Variants in ATP8B3 observed in about 807,000 individuals in gnomAD.
ATP8B3 encodes the protein phospholipid-transporting ATPase IK.
In ATP8B3, 141 loss-of-function variants were observed where a neutral mutation model predicts 140.9. The observed-to-expected ratio is 1.00, with a 90% CI of 0.87 to 1.15. ATP8B3 has a LOEUF of 1.15. Ranked by LOEUF, ATP8B3 falls within the 50% of genes most tolerant of loss-of-function variation. ATP8B3 has a pLI of 0.00. For synonymous variants in ATP8B3, 765 were observed against 714.6 expected, an observed-to-expected ratio of 1.07 and a Z score of -1.13; for missense variants, 1,874 against 1,740.6, an observed-to-expected ratio of 1.08 and a Z score of -1.36.
intron 18 of ATP8B3, among the ~76,000 whole-genome samples, chr19:1,795,454 G>C (rs967383610): frequency 6.6e-6 from 1 of 152,078 alleles, no homozygotes; most frequent in African/African-American, 2.4e-5. Flanking sequence ...GGGAGGCTGA[G>C]GCAGGAGAAT....
At chr19:1,793,265 GTA>G (rs10546190) in intron 18 of ATP8B3, among the ~76,000 whole-genome samples, 66,031 of 150,492 alleles carry the variant, frequency 0.44, 15,742 homozygotes, top group African/African-American at 0.65. Context: ...TAATTTCTTT[GTA>G]TATATATATA....
chr19:1,790,648 C>T, intron 21 of ATP8B3, 109 bp downstream of exon 21: 1 of 806,158 alleles, frequency 1.2e-6, no homozygotes. Context: ...CTCAATCCCC[C>T]CCTTCCCACT....
At chr19:1,783,357 C>T in intron 28 of ATP8B3, 87 bp from the exon 29 acceptor site, 2 of 1,485,648 alleles carry the variant, frequency 1.3e-6, no homozygotes, top group Non-Finnish European at 1.8e-6. Context: ...AGGCAGGATT[C>T]AAAGCCCTTG....
At chr19:1,789,174 C>G (rs1211609718) in intron 23 of ATP8B3, 54 bp from the exon 24 acceptor site, 17 of 1,048,684 alleles carry the variant, frequency 1.6e-5, no homozygotes, top group Non-Finnish European at 2.2e-5. Context: ...TCCCGCCCGC[C>G]CCCCCAGACC....
At chr19:1,795,520 C>T (rs2068637561) in intron 18 of ATP8B3, among the ~76,000 whole-genome samples, 1 of 152,142 alleles carries the variant, frequency 6.6e-6, no homozygotes, top group Non-Finnish European at 1.5e-5. Flanking sequence ...CACTGCACTC[C>T]AGCCTGGGCG....
At chr19:1,788,328 G>T (rs999550910) in intron 24 of ATP8B3, among the ~76,000 whole-genome samples, 9 of 152,290 alleles carry the variant, frequency 5.9e-5, no homozygotes, top group Non-Finnish European at 1.3e-4. Context: ...AGAAGAGGAG[G>T]TCCATGTGCA....
In ATP8B3 at chr19:1,809,280, C is replaced by T. The variant is rs538865065; in HGVS notation, c.402+363G>A. On this transcript the variant is annotated intron_variant, in intron 4 of 28. Transcript: ENST00000310127. ...GGTGGATCACCTGAGATCAGGAGTT[C>T]GAGACCAGCCTGGCCAACATGGTGA... 2.8e-4 allele frequency among the ~76,000 whole-genome samples: 42 copies of T among 152,004 alleles called. No individual in the cohort carries two copies. The South Asian group carries it at 5.2e-3, about 19-fold the overall frequency.
chr19:1,784,375 C>T (rs545850267), intron 28 of ATP8B3, among the ~76,000 whole-genome samples: 8 of 151,986 alleles, frequency 5.3e-5, no homozygotes, highest in Non-Finnish European at 7.4e-5. Flanking sequence ...ATTAGCTGGG[C>T]GTGGTGGTAC....
At chr19:1,796,916 G>A (rs1283810960) in intron 15 of ATP8B3, 37 bp from the exon 16 acceptor site, 2 of 1,610,876 alleles carry the variant, frequency 1.2e-6, no homozygotes, top group Admixed American at 1.7e-5. Context: ...CTGTGGGTGG[G>A]CCGCTCCCCG....
At chr19:1,784,787 A>C in intron 28 of ATP8B3, 32 bp downstream of exon 28, 1 of 1,568,172 alleles carries the variant, frequency 6.4e-7, no homozygotes, top group Non-Finnish European at 8.6e-7. Flanking sequence ...GGAATGTACC[A>C]GATGAGGACC....
intron 3 of ATP8B3, 100 bp from the exon 4 acceptor site, chr19:1,809,834 C>T: frequency 1.8e-6 from 2 of 1,120,674 alleles, no homozygotes; most frequent in Non-Finnish European, 2.6e-6. Flanking sequence ...GGGACCCAGG[C>T]ACTGGGGAGG....
intron 10 of ATP8B3, among the ~76,000 whole-genome samples, chr19:1,804,910 C>A (rs1040378903): frequency 4.8e-4 from 73 of 152,256 alleles, no homozygotes; most frequent in Non-Finnish European, 2.8e-4. Flanking sequence ...CACGCAGGTG[C>A]CTTTTCAATG....
At chr19:1,787,070 C>T in intron 25 of ATP8B3, 33 bp downstream of exon 25, 2 of 1,535,174 alleles carry the variant, frequency 1.3e-6, no homozygotes, top group Non-Finnish European at 8.9e-7. Flanking sequence ...TAAGCAGAGA[C>T]CTGGAAGGAA....
At chr19:1,796,357 A>G (rs954864941) in intron 16 of ATP8B3, 92 bp from the exon 17 acceptor site, 2 of 1,223,228 alleles carry the variant, frequency 1.6e-6, no homozygotes, top group African/African-American at 3.0e-5. Flanking sequence ...CCTGGGCTAC[A>G]CCTTTATTGA....
At chr19:1,796,924 C>T (rs375184941) in intron 15 of ATP8B3, 45 bp from the exon 16 acceptor site, 5 of 1,611,610 alleles carry the variant, frequency 3.1e-6, no homozygotes, top group Non-Finnish European at 4.2e-6. Context: ...GGGCCGCTCC[C>T]CGTGCCCCGT....
rs74997662 is a variant in ATP8B3, at chr19:1,800,178, G to T, written c.1344-23C>A. On this transcript the variant is annotated intron_variant, in intron 13 of 28. Transcript: ENST00000310127. The surrounding 1 kb of genome is among the most constrained non-coding windows in gnomAD (Gnocchi z 4.4). ...GACCTGCAGAGGCACTCAGGGTCAC[G>T]GTCAGCCCCGCCTGCTGTGTGCCAT... 53 of 1,567,262 alleles carry T rather than the reference G, an allele frequency of 3.4e-5. No homozygotes were observed. Among genetic ancestry groups the T allele is most frequent in the Non-Finnish European group, 4.3e-5 (50 of 1,155,780 alleles).
At position 1,789,466 on chromosome 19, in the gene ATP8B3, C is replaced by A. The variant is rs1395466710; in HGVS notation, c.2740G>T (p.Val914Leu). The change falls in exon 23 of 29, where the codon GTG becomes TTG. Residue 914 changes from valine (V) to leucine (L), a missense_variant. Transcript: ENST00000310127. ...ATCAGGGCCTTCTGCTTGGGCGTCA[C>A]GCGGCAGCAGATGACCGCCTGGCAC... ...SKCQAVICCR[V>L]TPKQKALIVA... is the part of the protein sequence containing the mutation. The A allele has an allele frequency of 1.3e-6, 2 of 1,597,858 alleles. No individual in the cohort carries two copies. Among genetic ancestry groups the A allele is most frequent in the South Asian group, 2.2e-5 (2 of 90,966 alleles).
chr19:1,809,511 A>G, intron 4 of ATP8B3, 132 bp downstream of exon 4: 1 of 792,468 alleles, frequency 1.3e-6, no homozygotes, highest in South Asian at 1.7e-5. Flanking sequence ...GAAAAAGAAA[A>G]CGAAAACCAA....
In ATP8B3 at chr19:1,800,635, C is replaced by T. The variant is rs1225570981; in HGVS notation, c.1153-186G>A. 1.3e-5 allele frequency among the ~76,000 whole-genome samples: 2 copies of T among 152,036 alleles called. No homozygotes were observed. The highest frequency in any genetic ancestry group is 2.9e-5 in the Non-Finnish European group (2 of 68,002). On this transcript the variant is annotated intron_variant, in intron 12 of 28. Coordinates refer to ENST00000310127, the MANE Select transcript of ATP8B3 (RefSeq NM_138813.4). The surrounding 1 kb of genome is among the most constrained non-coding windows in gnomAD (Gnocchi z 4.4). ...AGGAGTTCAAGACCAGCCTGGGCGA[C>T]AAAGTGAGACCTCATCTCGACGAAA...
Sources: allele counts gnomAD v4.1 joint callset (sites outside exome capture counted in the v4.1 genomes callset), GRCh38; gene constraint gnomAD v4.1.1; non-coding constraint Gnocchi (gnomAD v3.1); transcripts MANE v1.5; gene names NCBI Gene and HGNC (gene_info 2026-07-23, HGNC 2026-07-21).